Variants in DENND2C observed in about 807,000 individuals in gnomAD.
The protein encoded by DENND2C is DENN domain containing 2C, also known as DENN domain-containing protein 2C.
A neutral mutation model predicts 112.4 loss-of-function variants in DENND2C; 72 were observed. The ratio of observed to expected loss-of-function variants is 0.64; its 90% CI spans 0.53 to 0.78. The LOEUF is 0.78. Among genes scored for constraint, DENND2C ranks in the 30% least tolerant of loss-of-function variants. The probability of loss-of-function intolerance (pLI) is 0.00; values close to 1 mark genes in which losing one functional copy is unlikely to be tolerated. For synonymous variants in DENND2C, 329 were observed against 381.6 expected (o/e 0.86, Z 1.61); for missense variants, 992 against 1,113.8 (o/e 0.89, Z 1.56).
chr1:114,632,369 C>T (rs565318920), intron 3 of DENND2C, among the ~76,000 whole-genome samples: 1 of 151,780 alleles, frequency 6.6e-6, no homozygotes, highest in East Asian at 1.9e-4. Flanking sequence ...AACCAAGTTG[C>T]TAAAAACCAG....
chr1:114,645,414 C>A (rs557290250), intron 3 of DENND2C, 34 bp downstream of exon 3: 1 of 152,132 alleles, frequency 6.6e-6, no homozygotes, highest in Non-Finnish European at 1.5e-5. Flanking sequence ...CTGCTATCTA[C>A]GAGCCAAGGA....
chr1:114,588,006 C>A, intron 18 of DENND2C, 54 bp from the exon 19 acceptor site: 1 of 1,454,844 alleles, frequency 6.9e-7, no homozygotes, highest in East Asian at 2.3e-5. Context: ...TTATCTGTAT[C>A]TGGAAACACT....
intron 11 of DENND2C, 75 bp downstream of exon 11, chr1:114,604,847 G>A (rs1655613535): frequency 6.8e-6 from 7 of 1,035,466 alleles, no homozygotes; most frequent in South Asian, 6.4e-5. Context: ...ACTAATGGCT[G>A]TACCCATTTC....
chr1:114,586,896 TA>T, intron 20 of DENND2C: 1 of 154,342 alleles, frequency 6.5e-6, no homozygotes, highest in Non-Finnish European at 1.4e-5. Flanking sequence ...CATGCCTAGC[TA>T]ATTTTTTTTT....
At position 114,608,796 on chromosome 1, in the gene DENND2C, T is replaced by G; in HGVS notation, c.1447A>C (p.Ile483Leu). Residue 483 changes from isoleucine (I) to leucine (L), a missense_variant, in exon 10 of 21, where the codon ATT becomes CTT. By Grantham distance (5) the Ile-to-Leu change is conservative. Around this residue, in one of 3 missense-constraint regions of DENND2C, gnomAD observed 516 missense variants for 623.6 expected, o/e 0.83. Coordinates refer to ENST00000393274, the MANE Select transcript of DENND2C (RefSeq NM_001256404.2). The stretch of plus-strand genomic sequence containing the variant: ...AACAGCTGCTGCTCCTGTAATTCAA[T>G]AAGATCCCGCTCCAAGGTCTGGTAG... ...PHYQTLERDL[I>L]ELQEQQLFEL... 1 of 1,614,176 alleles carries G rather than the reference T, an allele frequency of 6.2e-7. No individual in the cohort carries two copies. The highest frequency in any genetic ancestry group is 8.5e-7 in the Non-Finnish European group (1 of 1,180,026).
At chr1:114,663,588 G>A (rs1351430677) in intron 1 of DENND2C, among the ~76,000 whole-genome samples, 4 of 152,162 alleles carry the variant, frequency 2.6e-5, no homozygotes, top group Admixed American at 1.3e-4. Context: ...TCAAAGATCC[G>A]TTAAGGTTGG....
At chr1:114,616,361 C>T (rs1427397115) in intron 8 of DENND2C, among the ~76,000 whole-genome samples, 2 of 151,108 alleles carry the variant, frequency 1.3e-5, no homozygotes, top group Non-Finnish European at 2.9e-5. Flanking sequence ...CACTGCACTC[C>T]AGCCTGGGTG....
At chr1:114,636,382 A>G (rs996561877) in intron 3 of DENND2C, among the ~76,000 whole-genome samples, 1 of 152,190 alleles carries the variant, frequency 6.6e-6, no homozygotes, top group Non-Finnish European at 1.5e-5. Context: ...GAAGTTTACA[A>G]AGGCCAGGTG....
chr1:114,652,509 T>C (rs1353124378), intron 2 of DENND2C, among the ~76,000 whole-genome samples: 1 of 152,076 alleles, frequency 6.6e-6, no homozygotes, highest in Non-Finnish European at 1.5e-5. Context: ...TTTGAACTTT[T>C]TCAATTCAGT....
Position 114,605,018 on chromosome 1 carries a change from T to G in DENND2C, c.1571A>C (p.Tyr524Ser). 6.2e-7 allele frequency: 1 copy of G among 1,612,580 alleles called. No homozygotes were observed. Among genetic ancestry groups the G allele is most frequent in the African/African-American group, 1.3e-5 (1 of 74,972 alleles). The part of the protein sequence containing the change: ...QQFPGKDDHG[Y>S]KQSKDMEERL... ...CTCTTCCATGTCTTTGGACTGCTTA[T>G]AGCCATGATCATCCTGAAAAAGATA... Residue 524 changes from tyrosine (Y) to serine (S), a missense_variant, in exon 11 of 21, where the codon TAT becomes TCT. Transcript: ENST00000393274.
At chr1:114,619,675 C>A (rs1451795765) in intron 7 of DENND2C, among the ~76,000 whole-genome samples, 1 of 151,796 alleles carries the variant, frequency 6.6e-6, no homozygotes, top group East Asian at 1.9e-4. Context: ...TTACAAAAAA[C>A]AAGAGAATCT....
At chr1:114,669,606 T>A (rs1338410155) in intron 1 of DENND2C, among the ~76,000 whole-genome samples, 1 of 152,126 alleles carries the variant, frequency 6.6e-6, no homozygotes, top group Non-Finnish European at 1.5e-5. Context: ...ACTGGCTAAT[T>A]TTGGAGAAAG....
chr1:114,616,180 A>G (rs1009212671), intron 8 of DENND2C, among the ~76,000 whole-genome samples: 1 of 152,256 alleles, frequency 6.6e-6, no homozygotes, highest in East Asian at 1.9e-4. Flanking sequence ...ATTTGAGGTC[A>G]GGAGTTCAAG....
In DENND2C at chr1:114,625,250, T is replaced by G. The variant is rs367643785; in HGVS notation, c.735A>C (p.Gln245His). 9.9e-6 allele frequency: 16 copies of G among 1,613,982 alleles called. No homozygotes were observed. Among genetic ancestry groups the G allele is most frequent in the Non-Finnish European group, 1.4e-5 (16 of 1,180,012 alleles). The change falls in exon 4 of 21, where the codon CAA (glutamine) becomes CAC (histidine). Residue 245 changes from glutamine to histidine, a missense_variant. Transcript: ENST00000393274. ...GTTCCTGAGAAGAGGCCAAAGAAGA[T>G]TGTGCACAAGAGTTATTTTCACAGT... is the stretch of plus-strand genomic sequence containing the variant. ...KKYCENNSCAQSSLASSQEPE... is the reference protein window; with the variant it reads ...KKYCENNSCAHSSLASSQEPE...
At chr1:114,606,748 C>A (rs1260033338) in intron 10 of DENND2C, among the ~76,000 whole-genome samples, 1 of 152,192 alleles carries the variant, frequency 6.6e-6, no homozygotes, top group East Asian at 1.9e-4. Flanking sequence ...TGACTGTAGA[C>A]TCTCCCAGAC....
rs1185418371 is a variant in DENND2C, at chr1:114,599,391, A to G, written c.2166T>C (p.His722=). Residue 722 remains histidine, a synonymous_variant, in exon 16 of 21, where the codon CAT becomes CAC. Coordinates refer to ENST00000393274, the MANE Select transcript of DENND2C (RefSeq NM_001256404.2). The stretch of plus-strand genomic sequence containing the variant: ...ATGCTGGCAGGACTGGGATATAGGT[A>G]TGCTGCCAGGTGAACGGATACAGTG... ...VATLYPFTWQ[H]TYIPVLPASM... 3 of 1,614,014 alleles carry G rather than the reference A, an allele frequency of 1.9e-6. No individual in the cohort carries two copies. Among genetic ancestry groups the G allele is most frequent in the East Asian group, 2.2e-5 (1 of 44,886 alleles).
intron 16 of DENND2C, among the ~76,000 whole-genome samples, chr1:114,597,517 C>T (rs1487334932): frequency 6.6e-6 from 1 of 151,776 alleles, no homozygotes; most frequent in Non-Finnish European, 1.5e-5. Flanking sequence ...TGCAGTGGCT[C>T]ACACCTGTAA....
chr1:114,598,596 T>C (rs1655405553), intron 16 of DENND2C, among the ~76,000 whole-genome samples: 1 of 152,166 alleles, frequency 6.6e-6, no homozygotes, highest in Non-Finnish European at 1.5e-5. Flanking sequence ...TGTGGTAATA[T>C]TTCCATTCCA....
intron 3 of DENND2C, among the ~76,000 whole-genome samples, chr1:114,633,699 G>A (rs576358172): frequency 6.6e-6 from 1 of 152,136 alleles, no homozygotes; most frequent in Admixed American, 6.5e-5. Flanking sequence ...GGAGTTGGAG[G>A]GGGAACCCTA....
Sources: gnomAD v4.1 joint callset for allele counts (sites outside exome capture counted in the v4.1 genomes callset) on GRCh38, gnomAD v4.1.1 for gene constraint, gnomAD v4.1.1 regional missense constraint, MANE v1.5 for transcripts, NCBI Gene and HGNC (gene_info 2026-07-23, HGNC 2026-07-21) for gene names.